Variants in PCED1B observed in about 807,000 individuals in gnomAD.
The protein encoded by PCED1B is PC-esterase domain containing 1B, also known as PC-esterase domain-containing protein 1B.
For missense variants in PCED1B, 573 were observed against 573.9 expected (o/e 1.00, Z 0.02); for synonymous variants, 251 against 246.1 (o/e 1.02, Z -0.19).
At chr12:47,194,311 A>T (rs1942535115) in intron 2 of PCED1B, among the ~76,000 whole-genome samples, 1 of 152,146 alleles carries the variant, frequency 6.6e-6, no homozygotes, top group Non-Finnish European at 1.5e-5. Context: ...AATAGCTGGG[A>T]TTACAGGCGC....
At chr12:47,180,733 A>G (rs1942067161) in intron 2 of PCED1B, among the ~76,000 whole-genome samples, 1 of 152,188 alleles carries the variant, frequency 6.6e-6, no homozygotes, top group African/African-American at 2.4e-5. Flanking sequence ...TCTACAAGGA[A>G]CTTAAACAAA....
chr12:47,110,878 C>T (rs1375508435), intron 2 of PCED1B, among the ~76,000 whole-genome samples: 1 of 152,212 alleles, frequency 6.6e-6, no homozygotes, highest in Non-Finnish European at 1.5e-5. Context: ...TCCCGCATCA[C>T]AGTTGCAGGG....
At chr12:47,150,462 C>T (rs1475259734) in intron 2 of PCED1B, among the ~76,000 whole-genome samples, 5 of 151,740 alleles carry the variant, frequency 3.3e-5, no homozygotes, top group Admixed American at 3.3e-4. Context: ...CCTGTAGTCC[C>T]AGCTACTAGG....
At position 47,227,136 on chromosome 12, in the gene PCED1B, CTGTT is replaced by C. The variant is rs546746344; in HGVS notation, c.-57-7853_-57-7850del. On this transcript the variant is annotated intron_variant, in intron 3 of 3. Transcript: ENST00000546455. ...AACTTCATTTCCATTTCAGGTTTTT[CTGTT>C]TGTTTGTTTGTTTGTTTTGTTTTGT... is the stretch of plus-strand genomic sequence containing the variant. Among the ~76,000 whole-genome samples the C allele has an allele frequency of 4.4e-4, 66 of 151,618 alleles. No individual in the cohort carries two copies. In the East Asian group the frequency reaches 4.5e-3, roughly 10 times the overall value.
At chr12:47,178,489 C>T (rs1255204337) in intron 2 of PCED1B, among the ~76,000 whole-genome samples, 1 of 152,136 alleles carries the variant, frequency 6.6e-6, no homozygotes, top group African/African-American at 2.4e-5. Context: ...CAGGCTTATG[C>T]TTTCAAACAA....
chr12:47,111,326 G>A (rs1329938343), intron 2 of PCED1B, among the ~76,000 whole-genome samples: 1 of 152,104 alleles, frequency 6.6e-6, no homozygotes, highest in African/African-American at 2.4e-5. Flanking sequence ...ATTTTAGGAT[G>A]GGAGAAAGAT....
At chr12:47,168,101 C>T (rs1941603022) in intron 2 of PCED1B, among the ~76,000 whole-genome samples, 1 of 152,100 alleles carries the variant, frequency 6.6e-6, no homozygotes, top group African/African-American at 2.4e-5. Flanking sequence ...ATTGCTTTTT[C>T]TATATTCTGG....
At chr12:47,181,093 C>T (rs954992834) in intron 2 of PCED1B, among the ~76,000 whole-genome samples, 8 of 151,920 alleles carry the variant, frequency 5.3e-5, no homozygotes, top group Non-Finnish European at 2.9e-5. Flanking sequence ...CAGGTGATCC[C>T]CCACCTCAGC....
chr12:47,142,497 G>A (rs374403990), intron 2 of PCED1B, among the ~76,000 whole-genome samples: 6 of 151,944 alleles, frequency 3.9e-5, no homozygotes, highest in African/African-American at 1.5e-4. Context: ...TCTATGAATT[G>A]CCTGACAAAT....
chr12:47,230,907 ATT>A (rs1200313365), intron 3 of PCED1B, among the ~76,000 whole-genome samples: 1 of 152,234 alleles, frequency 6.6e-6, no homozygotes, highest in Non-Finnish European at 1.5e-5. Flanking sequence ...CTTGTTAGGC[ATT>A]ATTACAAACA....
At chr12:47,193,437 G>A (rs1384013748) in intron 2 of PCED1B, among the ~76,000 whole-genome samples, 3 of 151,922 alleles carry the variant, frequency 2.0e-5, no homozygotes, top group Non-Finnish European at 2.9e-5. Context: ...TCCAGTCATT[G>A]TTTCAGCCCA....
intron 2 of PCED1B, among the ~76,000 whole-genome samples, chr12:47,201,924 T>C (rs10748466): frequency 0.22 from 33,831 of 152,156 alleles, 4,678 homozygotes; most frequent in South Asian, 0.46. Flanking sequence ...TTTAAGTTTG[T>C]CTTTGAGGAG....
intron 2 of PCED1B, among the ~76,000 whole-genome samples, chr12:47,189,374 G>A (rs1462857558): frequency 3.3e-5 from 5 of 152,164 alleles, no homozygotes; most frequent in African/African-American, 1.2e-4. Flanking sequence ...CCAGTCTATT[G>A]TGCATTCTTG....
chr12:47,141,780 T>TATG (rs1372517051), intron 2 of PCED1B, among the ~76,000 whole-genome samples: 1 of 152,140 alleles, frequency 6.6e-6, no homozygotes, highest in Non-Finnish European at 1.5e-5. Context: ...CATGCCCCTT[T>TATG]ATGTCACTAG....
Position 47,235,381 on chromosome 12 carries a change from G to A in PCED1B, c.318G>A (p.Leu106=). 1.9e-6 allele frequency: 3 copies of A among 1,614,154 alleles called. No homozygotes were observed. The highest frequency in any genetic ancestry group is 3.3e-4 in the Middle Eastern group (2 of 6,062). ...ACTCCGATTACCTCCAGACCATCTTGAAAGAGCTGCAGTCGGGCGAGCACG... is the reference window on the plus strand; with the variant it reads ...ACTCCGATTACCTCCAGACCATCTTAAAAGAGCTGCAGTCGGGCGAGCACG... ...RVYSDYLQTI[L]KELQSGEHAP... The change falls in exon 4 of 4, where the codon TTG becomes TTA. Residue 106 remains leucine, a synonymous_variant. Transcript: ENST00000546455.
chr12:47,090,743 G>C (rs1481371316), intron 1 of PCED1B, among the ~76,000 whole-genome samples: 1 of 152,148 alleles, frequency 6.6e-6, no homozygotes, highest in Non-Finnish European at 1.5e-5. Flanking sequence ...TTATGTTGGA[G>C]AGATTCATCC....
chr12:47,168,182 A>T (rs928948942), intron 2 of PCED1B, among the ~76,000 whole-genome samples: 2 of 152,192 alleles, frequency 1.3e-5, no homozygotes, highest in African/African-American at 4.8e-5. Context: ...AACTTATCAC[A>T]ATCTATCTGG....
At chr12:47,140,658 G>A (rs1437143451) in intron 2 of PCED1B, among the ~76,000 whole-genome samples, 1 of 152,168 alleles carries the variant, frequency 6.6e-6, no homozygotes, top group Admixed American at 6.5e-5. Context: ...TATCTCAGAA[G>A]ACAGTGAAAA....
chr12:47,110,989 A>C (rs1020318953), intron 2 of PCED1B, among the ~76,000 whole-genome samples: 13 of 152,222 alleles, frequency 8.5e-5, no homozygotes, highest in African/African-American at 3.1e-4. Flanking sequence ...GATGTATGTA[A>C]CTTCAAATCT....
Sources: gnomAD v4.1 joint callset for allele counts (sites outside exome capture counted in the v4.1 genomes callset) on GRCh38, gnomAD v4.1.1 for gene constraint, MANE v1.5 for transcripts, NCBI Gene and HGNC (gene_info 2026-07-23, HGNC 2026-07-21) for gene names.